Variants in SORCS1 observed in about 807,000 individuals in gnomAD.
The protein encoded by SORCS1 is VPS10 domain-containing receptor SorCS1.
A neutral mutation model predicts 146.1 loss-of-function variants in SORCS1; 60 were observed. The ratio of observed to expected loss-of-function variants is 0.41; its 90% confidence interval spans 0.33 to 0.51. The LOEUF is 0.51. SORCS1 is among the 20% of genes least tolerant of loss of function. SORCS1 has a pLI of 0.21. For missense variants in SORCS1, 1,352 were observed against 1,487.6 expected (o/e 0.91, Z 1.50); for synonymous variants, 637 against 584.0 (o/e 1.09, Z -1.31).
chr10:106,933,753 C>T (rs186156656), intron 2 of SORCS1, among the ~76,000 whole-genome samples: 25 of 152,204 alleles, frequency 1.6e-4, no homozygotes, highest in East Asian at 7.7e-4. Context: ...GTAGAGCACA[C>T]GGAGCATCAT....
chr10:106,724,006 A>T (rs1855967359), intron 6 of SORCS1, among the ~76,000 whole-genome samples: 1 of 152,206 alleles, frequency 6.6e-6, no homozygotes, highest in African/African-American at 2.4e-5. Flanking sequence ...TATATTATAT[A>T]TCAAGATCTA....
At chr10:107,106,646 A>G (rs369767748) in intron 1 of SORCS1, among the ~76,000 whole-genome samples, 1 of 152,208 alleles carries the variant, frequency 6.6e-6, no homozygotes, top group African/African-American at 2.4e-5. Flanking sequence ...CTTTTTAACC[A>G]TATTTTCAAT....
intron 9 of SORCS1, 143 bp from the exon 10 acceptor site, chr10:106,688,481 G>T: frequency 1.2e-6 from 1 of 855,338 alleles, no homozygotes; most frequent in Non-Finnish European, 1.8e-6. Context: ...GGAAGGAGGT[G>T]GCTCAAGGTA....
intron 17 of SORCS1, among the ~76,000 whole-genome samples, chr10:106,653,795 C>T (rs995433246): frequency 6.6e-6 from 1 of 152,152 alleles, no homozygotes. Flanking sequence ...ACACAGAGTA[C>T]TTAAAAGTAT....
At chr10:106,858,267 A>G (rs1371394743) in intron 2 of SORCS1, among the ~76,000 whole-genome samples, 3 of 152,048 alleles carry the variant, frequency 2.0e-5, no homozygotes, top group East Asian at 1.9e-4. Context: ...TCTCCTAATT[A>G]TATCTTTATT....
In SORCS1 at chr10:107,050,776, T is replaced by C. The variant is rs996372775; in HGVS notation, c.559-94196A>G. On this transcript the variant is annotated intron_variant, in intron 1 of 25. Coordinates refer to ENST00000263054, the MANE Select transcript of SORCS1 (RefSeq NM_052918.5). ...AAAGTATCAACCAGGCCTTCTTAAG[T>C]ATATATATGGTTTTGCAGGCTAGAG... 4.6e-5 allele frequency among the ~76,000 whole-genome samples: 7 copies of C among 152,206 alleles called. No individual in the cohort carries two copies. The South Asian group carries it at 1.2e-3, about 27-fold the overall frequency.
At chr10:106,893,516 A>C (rs1416784153) in intron 2 of SORCS1, among the ~76,000 whole-genome samples, 2 of 152,220 alleles carry the variant, frequency 1.3e-5, no homozygotes, top group African/African-American at 2.4e-5. Flanking sequence ...AATAATTATG[A>C]AATAAATAAG....
At chr10:107,000,041 A>G (rs893651378) in intron 1 of SORCS1, among the ~76,000 whole-genome samples, 1 of 152,176 alleles carries the variant, frequency 6.6e-6, no homozygotes, top group Non-Finnish European at 1.5e-5. Context: ...GAAGTGGGAG[A>G]AGGGGAGAAC....
At chr10:106,745,146 C>T (rs183318278) in intron 5 of SORCS1, among the ~76,000 whole-genome samples, 356 of 152,204 alleles carry the variant, frequency 2.3e-3, no homozygotes, top group Middle Eastern at 0.01. Context: ...GGGCCAGGTG[C>T]GGTGGTTCAC....
chr10:106,781,972 T>G (rs569742301), intron 3 of SORCS1, among the ~76,000 whole-genome samples: 2 of 151,980 alleles, frequency 1.3e-5, no homozygotes, highest in African/African-American at 4.8e-5. Flanking sequence ...TAGAAATGAG[T>G]CTGTAAGAAG....
chr10:106,857,588 G>A (rs1949839188), intron 2 of SORCS1, among the ~76,000 whole-genome samples: 1 of 152,226 alleles, frequency 6.6e-6, no homozygotes, highest in African/African-American at 2.4e-5. Flanking sequence ...CGCATTGGGT[G>A]CATCACAGAC....
At chr10:106,895,993 C>A (rs1220546285) in intron 2 of SORCS1, among the ~76,000 whole-genome samples, 1 of 151,520 alleles carries the variant, frequency 6.6e-6, no homozygotes, top group East Asian at 1.9e-4. Flanking sequence ...TTTAGCCTTA[C>A]AAAGGAAGAA....
Position 106,989,271 on chromosome 10 carries a change from GAAAAA to G in SORCS1, c.559-32696_559-32692del, listed in dbSNP as rs1161174866. On this transcript the variant is annotated intron_variant, in intron 1 of 25. Coordinates refer to ENST00000263054, the MANE Select transcript of SORCS1 (RefSeq NM_052918.5). The stretch of plus-strand genomic sequence containing the variant: ...GGTGTCAGTGAAAGGCTCCACCTCA[GAAAAA>G]AAAAAAAAAAAAAAAAAAAAAGAAT... Among the ~76,000 whole-genome samples, 562 of 75,650 alleles carry G rather than the reference GAAAAA, an allele frequency of 7.4e-3. 3 individuals are homozygous for G. The highest frequency in any genetic ancestry group is 0.034 in the Middle Eastern group (5 of 146). 49.6% of individuals were successfully genotyped at this position (75,650 alleles called of 152,430 possible). A position where few individuals can be genotyped will look rare whatever the true frequency, so the allele number is the denominator to read the frequency against.
chr10:106,781,317 A>G (rs2136416668), intron 3 of SORCS1, among the ~76,000 whole-genome samples: 1 of 152,294 alleles, frequency 6.6e-6, no homozygotes, highest in East Asian at 1.9e-4. Flanking sequence ...TCCTAATGGA[A>G]AAAGTATTTA....
intron 1 of SORCS1, among the ~76,000 whole-genome samples, chr10:106,983,135 T>C (rs1426732936): frequency 1.3e-5 from 2 of 148,262 alleles, no homozygotes; most frequent in African/African-American, 2.4e-5. Context: ...TCTATAAATA[T>C]ATATACATCT....
At chr10:106,866,105 A>G (rs1282784025) in intron 2 of SORCS1, among the ~76,000 whole-genome samples, 1 of 151,766 alleles carries the variant, frequency 6.6e-6, no homozygotes, top group East Asian at 1.9e-4. Context: ...ACCCCCGACT[A>G]GGGCTATTGA....
intron 1 of SORCS1, among the ~76,000 whole-genome samples, chr10:106,973,558 G>T (rs1360940861): frequency 6.6e-6 from 1 of 152,144 alleles, no homozygotes; most frequent in Non-Finnish European, 1.5e-5. Context: ...GTGACTCACA[G>T]AGCCCCTGGG....
intron 21 of SORCS1, among the ~76,000 whole-genome samples, chr10:106,614,679 T>C (rs775318438): frequency 1.7e-4 from 26 of 152,326 alleles, no homozygotes; most frequent in Non-Finnish European, 3.1e-4. Flanking sequence ...AGAATGTTTA[T>C]CTTAGTAAAA....
At chr10:107,008,890 G>A (rs1043644528) in intron 1 of SORCS1, among the ~76,000 whole-genome samples, 1 of 152,168 alleles carries the variant, frequency 6.6e-6, no homozygotes, top group Non-Finnish European at 1.5e-5. Flanking sequence ...CCAGTTGCTC[G>A]GGCTGCTCAG....
Sources: gnomAD v4.1 joint callset for allele counts (sites outside exome capture counted in the v4.1 genomes callset) on GRCh38, gnomAD v4.1.1 for gene constraint, MANE v1.5 for transcripts, NCBI Gene and HGNC (gene_info 2026-07-23, HGNC 2026-07-21) for gene names.